The following PLA2R1 variants were observed in gnomAD, a reference collection of about 807,000 sequenced individuals.
PLA2R1 encodes the protein secretory phospholipase A2 receptor.
Under a neutral mutation model 195.9 loss-of-function variants are expected in PLA2R1, and 158 were observed. That is an observed-to-expected ratio of 0.81 (90% CI 0.71 to 0.92). The LOEUF is 0.92. Ranked by LOEUF, PLA2R1 falls within the 40% of genes least tolerant of loss-of-function variation. PLA2R1 has a pLI of 0.00. For synonymous variants in PLA2R1, 586 were observed against 598.2 expected (o/e 0.98, Z 0.30); for missense variants, 1,626 against 1,764.6 (o/e 0.92, Z 1.41).
chr2:159,961,177 T>C (rs1219636795), intron 20 of PLA2R1, among the ~76,000 whole-genome samples: 1 of 152,206 alleles, frequency 6.6e-6, no homozygotes, highest in East Asian at 1.9e-4. Context: ...TGGTGGAATT[T>C]TAGGCATTAA....
At chr2:160,042,829 GTGTGTGTGTGTGTA>G (rs1406880106) in intron 2 of PLA2R1, among the ~76,000 whole-genome samples, 1,961 of 115,844 alleles carry the variant, frequency 0.017, 50 homozygotes, top group African/African-American at 0.051. Context: ...GTGTGTGTGT[GTGTGTGTGTGTGTA>G]TGTGTGAGAC....
chr2:160,021,298 T>G (rs1693093696), intron 7 of PLA2R1, among the ~76,000 whole-genome samples: 1 of 152,040 alleles, frequency 6.6e-6, no homozygotes, highest in South Asian at 2.1e-4. Flanking sequence ...GGGAAAAAAA[T>G]CATTATATCA....
intron 7 of PLA2R1, among the ~76,000 whole-genome samples, chr2:160,020,561 G>A (rs950008715): frequency 2.4e-4 from 36 of 152,110 alleles, no homozygotes; most frequent in African/African-American, 8.2e-4. Context: ...CCTGATGAAT[G>A]GATTAATGGG....
intron 1 of PLA2R1, among the ~76,000 whole-genome samples, chr2:160,048,251 G>A (rs983379800): frequency 6.6e-6 from 1 of 152,210 alleles, no homozygotes; most frequent in Non-Finnish European, 1.5e-5. Flanking sequence ...GAACATATTA[G>A]ACACACCTAA....
chr2:160,019,853 T>C (rs1449570895), intron 8 of PLA2R1, among the ~76,000 whole-genome samples: 1 of 152,228 alleles, frequency 6.6e-6, no homozygotes, highest in African/African-American at 2.4e-5. Context: ...TTTTCAGAAA[T>C]GCTTTCTGTG....
Position 159,969,403 on chromosome 2 carries a change from T to C in PLA2R1, c.2661-44A>G, listed in dbSNP as rs750628194. ...TGTTAAGGTCTTCTCTCATTCTGCATGTCCAGTCTCCAACATCATTCTTAG... is the reference window on the plus strand; with the variant it reads ...TGTTAAGGTCTTCTCTCATTCTGCACGTCCAGTCTCCAACATCATTCTTAG... On this transcript the variant is annotated intron_variant, in intron 18 of 29. Transcript: ENST00000283243. 43 of 1,006,494 alleles carry C rather than the reference T, an allele frequency of 4.3e-5. No homozygotes were observed. The South Asian group carries it at 5.6e-4, about 13-fold the overall frequency. The allele number at this position is 1,006,494 out of a possible 1,614,324, so 62.3% of individuals were successfully genotyped here.
chr2:159,952,980 A>C (rs1217697864), intron 23 of PLA2R1, among the ~76,000 whole-genome samples: 1 of 152,204 alleles, frequency 6.6e-6, no homozygotes, highest in Non-Finnish European at 1.5e-5. Context: ...GTCTGTGCCC[A>C]GCCTACGTGC....
intron 1 of PLA2R1, among the ~76,000 whole-genome samples, chr2:160,055,664 G>T (rs758969183): frequency 4.6e-5 from 7 of 152,170 alleles, no homozygotes; most frequent in Non-Finnish European, 1.0e-4. Flanking sequence ...TGCTTGGTTC[G>T]AATCCCCATG....
chr2:159,975,857 T>C (rs1689514197), intron 17 of PLA2R1, among the ~76,000 whole-genome samples: 1 of 152,156 alleles, frequency 6.6e-6, no homozygotes, highest in Non-Finnish European at 1.5e-5. Flanking sequence ...GACTGAGCAA[T>C]ACAGTAAACC....
chr2:160,026,876 G>A (rs971706918), intron 6 of PLA2R1, among the ~76,000 whole-genome samples: 4 of 152,126 alleles, frequency 2.6e-5, no homozygotes, highest in Admixed American at 6.5e-5. Context: ...GGCTCACGCC[G>A]TAATCCCAGC....
rs929206714 is a variant in PLA2R1 at position 160,016,561 on chromosome 2, A to C, written c.1551+53T>G. 45 of 824,838 alleles carry C rather than the reference A, an allele frequency of 5.5e-5. No homozygotes were observed. In the African/African-American group the frequency reaches 7.2e-4, roughly 13 times the overall value. The allele number at this position is 824,838 out of a possible 1,614,324, so 51.1% of individuals were successfully genotyped here. A position where few individuals can be genotyped will look rare whatever the true frequency, so the allele number is the denominator to read the frequency against. On this transcript the variant is annotated intron_variant, in intron 9 of 29. Transcript: ENST00000283243. ...TCACTTCAAATTGATGGTGGAATTG[A>C]TATTCTAGCTATGAAGTCCCTGTAC...
At chr2:160,056,899 C>T (rs988129059) in intron 1 of PLA2R1, among the ~76,000 whole-genome samples, 1 of 152,140 alleles carries the variant, frequency 6.6e-6, no homozygotes, top group Middle Eastern at 3.2e-3. Context: ...CAAACTCTTC[C>T]TCATCTCTCT....
In PLA2R1 at chr2:159,951,522, C is replaced by T. The variant is rs774617285; in HGVS notation, c.3358G>A (p.Glu1120Lys). The T allele has an allele frequency of 1.4e-5, 23 of 1,608,638 alleles. No homozygotes were observed. The South Asian group carries it at 2.3e-4, about 16-fold the overall frequency. The change falls in exon 24 of 30, where the codon GAA becomes AAA. Residue 1120 changes from glutamate to lysine, a missense_variant. Coordinates refer to ENST00000283243, the MANE Select transcript of PLA2R1 (RefSeq NM_007366.5). ...SDMYPMPNTLEYGNRTYKIIN... is the reference protein window; with the variant it reads ...SDMYPMPNTLKYGNRTYKIIN... ...ATTTTGTAAGTTCTGTTTCCATATT[C>T]TAAGGTATTGGGCATTGGATACATA...
rs1687414130 is a variant in PLA2R1, at chr2:159,946,799, A to C, written c.3967+2T>G. The C allele has an allele frequency of 2.5e-6, 4 of 1,604,462 alleles. No homozygotes were observed. Among genetic ancestry groups the C allele is most frequent in the Non-Finnish European group, 2.5e-6 (3 of 1,177,388 alleles). ...GTCCTCTCCTCTACCCAAATCACTT[A>C]CTGTTACCATCAAATTGAGCATTCA... On this transcript the variant is annotated splice_donor_variant, in intron 27 of 29. Transcript: ENST00000283243. LOFTEE classifies it high-confidence loss of function.
At chr2:159,986,612 A>C (rs2105318272) in intron 12 of PLA2R1, among the ~76,000 whole-genome samples, 1 of 150,056 alleles carries the variant, frequency 6.7e-6, no homozygotes, top group East Asian at 2.0e-4. Context: ...TTTGATATAG[A>C]GACTCGCTGT....
chr2:160,007,572 T>C (rs1188944479), intron 10 of PLA2R1, among the ~76,000 whole-genome samples: 1 of 152,244 alleles, frequency 6.6e-6, no homozygotes, highest in Non-Finnish European at 1.5e-5. Flanking sequence ...GGAAGAACGA[T>C]GTGGAGTTTG....
intron 20 of PLA2R1, among the ~76,000 whole-genome samples, chr2:159,958,510 G>A (rs1486556528): frequency 1.3e-5 from 2 of 151,844 alleles, no homozygotes; most frequent in Non-Finnish European, 2.9e-5. Flanking sequence ...AAATTTTTCA[G>A]TTCTCCACCC....
At chr2:160,051,025 A>G (rs1478777634) in intron 1 of PLA2R1, among the ~76,000 whole-genome samples, 2 of 152,226 alleles carry the variant, frequency 1.3e-5, no homozygotes, top group Non-Finnish European at 2.9e-5. Flanking sequence ...GTAAGATAAG[A>G]TTTGTACTGT....
At chr2:160,061,325 C>T (rs1203921297) in intron 1 of PLA2R1, among the ~76,000 whole-genome samples, 3 of 152,186 alleles carry the variant, frequency 2.0e-5, no homozygotes, top group African/African-American at 7.2e-5. Context: ...TCTCTCCTCC[C>T]TCTCTTTACA....
Sources: allele counts gnomAD v4.1 joint callset (sites outside exome capture counted in the v4.1 genomes callset), GRCh38; gene constraint gnomAD v4.1.1; transcripts MANE v1.5; gene names NCBI Gene and HGNC (gene_info 2026-07-23, HGNC 2026-07-21).